Variants in CDC42BPA observed in about 807,000 individuals in gnomAD.
CDC42BPA encodes serine/threonine-protein kinase MRCK alpha.
In CDC42BPA, 80 loss-of-function variants were observed where a neutral mutation model predicts 223.5. The observed-to-expected ratio is 0.36, with a 90% confidence interval of 0.30 to 0.43. The LOEUF (loss-of-function observed/expected upper bound fraction) is 0.43, where lower values mean the gene tolerates loss of function less well. Among genes scored for constraint, CDC42BPA ranks in the 20% least tolerant of loss-of-function variants. CDC42BPA has a pLI of 1.00. For synonymous variants in CDC42BPA, 694 were observed against 718.6 expected (o/e 0.97, Z 0.55); for missense variants, 1,743 against 2,099.9 (o/e 0.83, Z 3.32).
At position 227,042,297 on chromosome 1, in the gene CDC42BPA, G is replaced by GAGATATAT. The variant is rs922408596; in HGVS notation, c.3094-2062_3094-2061insATATATCT. On this transcript the variant is annotated intron_variant, in intron 23 of 36. Coordinates refer to ENST00000366766, the MANE Select transcript of CDC42BPA (RefSeq NM_001394014.1). ...TCCCGAATTGCACATATACATATATGATATATATATATATATATCATACAC... is the reference window on the plus strand; with the variant it reads ...TCCCGAATTGCACATATACATATATGAGATATATATATATATATATATATATCATACAC... 9.5e-5 allele frequency among the ~76,000 whole-genome samples: 14 copies of GAGATATAT among 147,604 alleles called. 1 individual carries two copies. The highest frequency in any genetic ancestry group is 3.1e-4 in the African/African-American group (12 of 38,598).
chr1:227,035,473 T>C lies in CDC42BPA; in HGVS notation c.3334A>G (p.Arg1112Gly). ...AAACCCAACTTAATCATACTTACCC[T>C]GACATGACCTTCATATGCTGTTCCT... The part of the protein sequence containing the change: ...GIGTAYEGHV[R>G]IPKPAGVKKG... Residue 1112 changes from arginine (R) to glycine (G), a missense_variant and splice_region_variant, in exon 25 of 37, where the codon AGG becomes GGG. Physicochemically the swap from Arg to Gly is moderately radical, Grantham distance 125 (BLOSUM62 -2). Around this residue, in one of 6 missense-constraint regions of CDC42BPA, gnomAD observed 678 missense variants for 777.5 expected, o/e 0.87. Coordinates refer to ENST00000366766, the MANE Select transcript of CDC42BPA (RefSeq NM_001394014.1). 6.2e-7 allele frequency: 1 copy of C among 1,605,926 alleles called. No individual in the cohort carries two copies. The highest frequency in any genetic ancestry group is 8.5e-7 in the Non-Finnish European group (1 of 1,177,328).
chr1:227,273,775 C>T (rs1439225536), intron 1 of CDC42BPA, among the ~76,000 whole-genome samples: 2 of 150,588 alleles, frequency 1.3e-5, no homozygotes, highest in Non-Finnish European at 1.5e-5. Context: ...TTCGTTCTAA[C>T]TGTGAAATAC....
intron 20 of CDC42BPA, among the ~76,000 whole-genome samples, chr1:227,071,271 G>A (rs1678267532): frequency 6.6e-6 from 1 of 151,882 alleles, no homozygotes; most frequent in Admixed American, 6.6e-5. Context: ...GTGTTGCATG[G>A]CTGAGAAATG....
chr1:227,248,556 AAAG>A lies in CDC42BPA; in HGVS notation c.270+5505_270+5507del, dbSNP rs1351509201. On this transcript the variant is annotated intron_variant, in intron 2 of 36. Transcript: ENST00000366766. Reference sequence around the variant, plus strand: ...TAAATACCTAGGATTTAAATCAGCCAAAGAAGTAAAAGATGTCTACAGTGAAAA... The same window carrying A: ...TAAATACCTAGGATTTAAATCAGCCAAAGTAAAAGATGTCTACAGTGAAAA... 1.1e-4 allele frequency among the ~76,000 whole-genome samples: 16 copies of A among 152,330 alleles called. 1 individual carries two copies. The East Asian group carries it at 2.7e-3, about 26-fold the overall frequency.
intron 8 of CDC42BPA, among the ~76,000 whole-genome samples, chr1:227,143,999 G>A (rs1050307216): frequency 2.0e-5 from 3 of 152,112 alleles, no homozygotes; most frequent in African/African-American, 7.2e-5. Context: ...ATTATTCTTT[G>A]TGAAGTTTAG....
intron 1 of CDC42BPA, among the ~76,000 whole-genome samples, chr1:227,274,961 C>T (rs990147985): frequency 1.3e-5 from 2 of 152,222 alleles, no homozygotes; most frequent in African/African-American, 4.8e-5. Flanking sequence ...AATTGGCAAA[C>T]TTGCCATTAA....
At chr1:227,092,449 C>A (rs1683255189) in intron 15 of CDC42BPA, among the ~76,000 whole-genome samples, 1 of 152,126 alleles carries the variant, frequency 6.6e-6, no homozygotes, top group South Asian at 2.1e-4. Context: ...TGATAATGGA[C>A]CAAAATGAAA....
chr1:227,067,680 T>C (rs1173934044), intron 21 of CDC42BPA, among the ~76,000 whole-genome samples: 1 of 152,148 alleles, frequency 6.6e-6, no homozygotes, highest in African/African-American at 2.4e-5. Context: ...TCAGTATAAA[T>C]ATTCCAAGCA....
At chr1:227,220,363 A>G (rs1022823127) in intron 2 of CDC42BPA, among the ~76,000 whole-genome samples, 1 of 148,010 alleles carries the variant, frequency 6.8e-6, no homozygotes, top group Admixed American at 6.8e-5. Context: ...AAGGTTATAT[A>G]TAAGGAAATA....
intron 6 of CDC42BPA, among the ~76,000 whole-genome samples, chr1:227,156,670 C>CA (rs1662875630): frequency 1.3e-5 from 2 of 152,232 alleles, no homozygotes; most frequent in East Asian, 1.9e-4. Flanking sequence ...GGAGGAAACT[C>CA]AGAGACAGAA....
chr1:227,157,529 T>G (rs1663037047), intron 6 of CDC42BPA, among the ~76,000 whole-genome samples: 1 of 152,218 alleles, frequency 6.6e-6, no homozygotes, highest in African/African-American at 2.4e-5. Context: ...AATCTTTAGT[T>G]TTCGGCACTT....
intron 2 of CDC42BPA, among the ~76,000 whole-genome samples, chr1:227,237,866 C>G (rs948678015): frequency 1.3e-5 from 2 of 151,548 alleles, no homozygotes; most frequent in Non-Finnish European, 2.9e-5. Context: ...ATGGAGAAAC[C>G]CTGTCTCTAC....
chr1:227,218,122 C>T (rs1675195097), intron 2 of CDC42BPA, among the ~76,000 whole-genome samples: 1 of 152,050 alleles, frequency 6.6e-6, no homozygotes, highest in African/African-American at 2.4e-5. Context: ...TATATACATG[C>T]AAAGTTTACA....
chr1:227,137,607 C>A (rs1202897748), intron 10 of CDC42BPA, among the ~76,000 whole-genome samples: 1 of 150,642 alleles, frequency 6.6e-6, no homozygotes, highest in African/African-American at 2.4e-5. Flanking sequence ...TGGAAATAAC[C>A]CAAATATTTA....
chr1:226,994,393 C>CAA lies in CDC42BPA; in HGVS notation c.5139_5140insTT (p.Asp1714LeufsTer15). On this transcript the variant is annotated frameshift_variant, in exon 37 of 37. Coordinates refer to ENST00000366766, the MANE Select transcript of CDC42BPA (RefSeq NM_001394014.1). LOFTEE classifies it high-confidence loss of function. The surrounding 1 kb of genome is among the most constrained non-coding windows in gnomAD (Gnocchi z 4.0). ...GAAGCTGTGGAATGCCTCGGAGAGT[C>CAA]AGAGTCCTGTAAGGCCCAAAGTAAA... 6.5e-7 allele frequency: 1 copy of CAA among 1,550,134 alleles called. No homozygotes were observed. Among genetic ancestry groups the CAA allele is most frequent in the Non-Finnish European group, 8.7e-7 (1 of 1,145,986 alleles).
intron 21 of CDC42BPA, among the ~76,000 whole-genome samples, chr1:227,060,696 T>C (rs1361142635): frequency 6.7e-6 from 1 of 149,650 alleles, no homozygotes; most frequent in Non-Finnish European, 1.5e-5. Context: ...ACAATAACTC[T>C]GGCAGGTAAG....
At chr1:227,261,124 C>CTTTTTTTTTTTT (rs386369874) in intron 1 of CDC42BPA, among the ~76,000 whole-genome samples, 15 of 121,006 alleles carry the variant, frequency 1.2e-4, no homozygotes, top group African/African-American at 3.5e-4. Flanking sequence ...TTGAGTTTTT[C>CTTTTTTTTTTTT]TTTTTTTTTG....
chr1:227,243,065 C>T (rs1680277976), intron 2 of CDC42BPA, among the ~76,000 whole-genome samples: 1 of 152,150 alleles, frequency 6.6e-6, no homozygotes, highest in African/African-American at 2.4e-5. Context: ...TGCAAACTAA[C>T]ACAGGAACAG....
Position 227,227,762 on chromosome 1 carries a change from C to T in CDC42BPA, c.271-14543G>A, listed in dbSNP as rs748549621. Reference sequence around the variant, plus strand: ...CAAGATAGAAGGCGGAAATCTAACACGGGACCATATACAAAAACTGTGTCC... The same window carrying T: ...CAAGATAGAAGGCGGAAATCTAACATGGGACCATATACAAAAACTGTGTCC... On this transcript the variant is annotated intron_variant, in intron 2 of 36. Transcript: ENST00000366766. 5.3e-5 allele frequency among the ~76,000 whole-genome samples: 8 copies of T among 152,074 alleles called. No homozygotes were observed. In the South Asian group the frequency reaches 6.2e-4, roughly 12 times the overall value.
Sources: allele counts gnomAD v4.1 joint callset (sites outside exome capture counted in the v4.1 genomes callset), GRCh38; gene constraint gnomAD v4.1.1; regional missense constraint gnomAD v4.1.1; non-coding constraint Gnocchi (gnomAD v3.1); transcripts MANE v1.5; gene names NCBI Gene and HGNC (gene_info 2026-07-23, HGNC 2026-07-21).